ARHGAP24: variants seen among roughly 807,000 people sequenced by gnomAD.
ARHGAP24 encodes rho GTPase-activating protein 24.
A neutral mutation model predicts 76.4 loss-of-function variants in ARHGAP24; 50 were observed. That is an observed-to-expected ratio of 0.65 (90% CI 0.52 to 0.83). The LOEUF (loss-of-function observed/expected upper bound fraction) is 0.83. ARHGAP24 is among the 40% of genes least tolerant of loss of function. ARHGAP24 has a pLI of 0.00. For synonymous variants in ARHGAP24, 345 were observed against 323.3 expected (o/e 1.07, Z -0.72); for missense variants, 930 against 914.2 (o/e 1.02, Z -0.22).
At chr4:85,753,609 G>A (rs1372185108) in intron 3 of ARHGAP24, among the ~76,000 whole-genome samples, 5 of 152,158 alleles carry the variant, frequency 3.3e-5, no homozygotes, top group African/African-American at 4.8e-5. Flanking sequence ...GAGTCTTTAC[G>A]CACTGGTTAA....
At chr4:85,516,686 A>C (rs938244308) in intron 1 of ARHGAP24, among the ~76,000 whole-genome samples, 1 of 28,796 alleles carries the variant, frequency 3.5e-5, no homozygotes, top group Non-Finnish European at 1.6e-4. Context: ...TAAAGTTTTA[A>C]AGATTTAGTC....
At chr4:85,802,991 A>C (rs752884474) in intron 3 of ARHGAP24, among the ~76,000 whole-genome samples, 1 of 152,264 alleles carries the variant, frequency 6.6e-6, no homozygotes, top group Non-Finnish European at 1.5e-5. Context: ...CCAACTCTTT[A>C]GCACAGCCTG....
At chr4:85,919,753 A>G (rs1212589228) in intron 3 of ARHGAP24, among the ~76,000 whole-genome samples, 1 of 152,172 alleles carries the variant, frequency 6.6e-6, no homozygotes, top group Non-Finnish European at 1.5e-5. Flanking sequence ...ACTCACTCTA[A>G]TTACTAGACC....
At chr4:85,797,334 A>C (rs560361874) in intron 3 of ARHGAP24, among the ~76,000 whole-genome samples, 1 of 151,788 alleles carries the variant, frequency 6.6e-6, no homozygotes, top group African/African-American at 2.4e-5. Flanking sequence ...CACCACGCCC[A>C]GCTAATTTTT....
At chr4:85,580,183 G>T (rs980598523) in intron 2 of ARHGAP24, among the ~76,000 whole-genome samples, 1 of 151,216 alleles carries the variant, frequency 6.6e-6, no homozygotes, top group Non-Finnish European at 1.5e-5. Flanking sequence ...AGAGACCTAG[G>T]CAGAGAAACC....
chr4:85,758,663 T>C (rs950203543), intron 3 of ARHGAP24, among the ~76,000 whole-genome samples: 1 of 152,130 alleles, frequency 6.6e-6, no homozygotes, highest in Non-Finnish European at 1.5e-5. Flanking sequence ...AGTGGGAAGA[T>C]GGACAAGGGG....
chr4:85,647,290 G>T (rs138804104), intron 2 of ARHGAP24, among the ~76,000 whole-genome samples: 89 of 152,202 alleles, frequency 5.8e-4, no homozygotes, highest in African/African-American at 2.1e-3. Context: ...ATTAATTATT[G>T]AGATGCATTT....
chr4:85,790,889 T>C (rs1728087871), intron 3 of ARHGAP24, among the ~76,000 whole-genome samples: 1 of 152,246 alleles, frequency 6.6e-6, no homozygotes, highest in Admixed American at 6.5e-5. Context: ...CCTTTTGTTT[T>C]CAGCCAAGTT....
intron 2 of ARHGAP24, among the ~76,000 whole-genome samples, chr4:85,667,065 GCTGT>G (rs1722652376): frequency 6.6e-6 from 1 of 152,184 alleles, no homozygotes; most frequent in Admixed American, 6.5e-5. Context: ...AGAGGTTACT[GCTGT>G]CTTTTTGTTT....
chr4:85,888,588 C>T (rs1301249337), intron 3 of ARHGAP24, among the ~76,000 whole-genome samples: 2 of 151,460 alleles, frequency 1.3e-5, no homozygotes, highest in Non-Finnish European at 2.9e-5. Flanking sequence ...TTATTTACAC[C>T]ATCTTGGACA....
At chr4:85,516,714 G>C (rs146967493) in intron 1 of ARHGAP24, among the ~76,000 whole-genome samples, 436 of 148,570 alleles carry the variant, frequency 2.9e-3, no homozygotes, top group Non-Finnish European at 4.8e-3. Context: ...TGGGATACAT[G>C]TTGCAGATGT....
At chr4:85,671,094 T>C (rs1177544601) in intron 2 of ARHGAP24, among the ~76,000 whole-genome samples, 2 of 152,196 alleles carry the variant, frequency 1.3e-5, no homozygotes, top group Non-Finnish European at 2.9e-5. Context: ...GGCCCCTTTC[T>C]TGAATATTCT....
intron 1 of ARHGAP24, among the ~76,000 whole-genome samples, chr4:85,496,759 T>C (rs567570472): frequency 6.6e-6 from 1 of 152,382 alleles, no homozygotes; most frequent in South Asian, 2.1e-4. Context: ...GTTTTGTAGA[T>C]GTCTAACTAC....
chr4:85,486,987 G>GACTC (rs1723083016), intron 1 of ARHGAP24, among the ~76,000 whole-genome samples: 1 of 151,610 alleles, frequency 6.6e-6, no homozygotes, highest in Admixed American at 6.6e-5. Flanking sequence ...CAGCAGGAGT[G>GACTC]ACTCATCCAG....
chr4:85,570,380 TTCTTTCTTTC>T, intron 1 of ARHGAP24, 132 bp from the exon 2 acceptor site: 1 of 13,558 alleles, frequency 7.4e-5, no homozygotes. Flanking sequence ...CTTTCTTTCT[TTCTTTCTTTC>T]TTTCTTTCTT....
intron 3 of ARHGAP24, among the ~76,000 whole-genome samples, chr4:85,805,126 G>A (rs1468718012): frequency 1.3e-5 from 2 of 152,168 alleles, no homozygotes; most frequent in Non-Finnish European, 1.5e-5. Context: ...GAGACTTATA[G>A]GGAGAGTCTC....
rs965455548 is a variant in ARHGAP24, at chr4:85,934,517, T to G, written c.392-7549T>G. Among the ~76,000 whole-genome samples, 3 of 152,194 alleles carry G rather than the reference T, an allele frequency of 2.0e-5. No individual in the cohort carries two copies. In the East Asian group the frequency reaches 5.8e-4, roughly 29 times the overall value. ...CTCTTATGTTTTATTTTTATTTATT[T>G]ATTTGTTTGTTTGTTTTGAAATGAT... On this transcript the variant is annotated intron_variant, in intron 4 of 9. Transcript: ENST00000395184.
intron 2 of ARHGAP24, among the ~76,000 whole-genome samples, chr4:85,603,930 G>C (rs934890784): frequency 6.6e-6 from 1 of 152,102 alleles, no homozygotes; most frequent in African/African-American, 2.4e-5. Flanking sequence ...ATTTGACTAA[G>C]TTGCTGCCTG....
intron 8 of ARHGAP24, among the ~76,000 whole-genome samples, chr4:85,983,510 T>G (rs890042046): frequency 6.6e-6 from 1 of 151,870 alleles, no homozygotes; most frequent in Non-Finnish European, 1.5e-5. Context: ...TTAAACAAAT[T>G]TACAAGAACA....
Sources: allele counts gnomAD v4.1 joint callset (sites outside exome capture counted in the v4.1 genomes callset), GRCh38; gene constraint gnomAD v4.1.1; transcripts MANE v1.5; gene names NCBI Gene and HGNC (gene_info 2026-07-23, HGNC 2026-07-21).